Variants in PRELID2 observed in about 807,000 individuals in gnomAD.
PRELID2 encodes PRELI domain containing 2, also known as PRELI domain-containing protein 2.
A neutral mutation model predicts 28.4 loss-of-function variants in PRELID2; 25 were observed. That is an observed-to-expected ratio of 0.88 (90% CI 0.64 to 1.23). PRELID2 has a LOEUF of 1.23. Ranked by LOEUF, PRELID2 falls within the 50% of genes most tolerant of loss-of-function variation. PRELID2 has a pLI of 0.00. For synonymous variants in PRELID2, 76 were observed against 71.6 expected, an observed-to-expected ratio of 1.06 and a Z score of -0.31; for missense variants, 201 against 214.4, an observed-to-expected ratio of 0.94 and a Z score of 0.39.
At chr5:145,414,294 T>C in the PRELID2 span, among the ~76,000 whole-genome samples, 1 of 152,164 alleles carries the variant, frequency 6.6e-6, no homozygotes, top group Non-Finnish European at 1.5e-5. Flanking sequence ...AATAGGTGTT[T>C]TCTATAGAAT....
the PRELID2 span, among the ~76,000 whole-genome samples, chr5:145,292,100 G>C: frequency 6.6e-6 from 1 of 151,570 alleles, no homozygotes; most frequent in Non-Finnish European, 1.5e-5. Flanking sequence ...AATTTCTGTA[G>C]GCTCTACAAA....
chr5:145,540,636 C>G (rs1752737952), intron 1 of PRELID2, among the ~76,000 whole-genome samples: 1 of 150,038 alleles, frequency 6.7e-6, no homozygotes. Flanking sequence ...ACCAGCCAAG[C>G]CCCAAATATG....
chr5:145,820,502 A>G (rs1754707596), intron 2 of PRELID2, among the ~76,000 whole-genome samples: 1 of 152,146 alleles, frequency 6.6e-6, no homozygotes, highest in South Asian at 2.1e-4. Context: ...AGAATGTTTC[A>G]ACAAAAAGAG....
In PRELID2 at chr5:145,590,780, T is replaced by C. The variant is rs543120085; in HGVS notation, n.71-117465A>G. On this transcript the variant is annotated intron_variant and non_coding_transcript_variant, in intron 1 of 2. Transcript: ENST00000510259. Reference sequence around the variant, plus strand: ...TCTGTCTCACATATACTCCATTTTATGTCCCATCCCGAGGAAAACTCTGGC... The same window carrying C: ...TCTGTCTCACATATACTCCATTTTACGTCCCATCCCGAGGAAAACTCTGGC... Among the ~76,000 whole-genome samples the C allele has an allele frequency of 7.3e-4, 111 of 152,282 alleles. 2 individuals are homozygous for C. The highest frequency in any genetic ancestry group is 2.6e-3 in the African/African-American group (110 of 41,554).
chr5:145,390,158 C>T, the PRELID2 span, among the ~76,000 whole-genome samples: 1 of 152,086 alleles, frequency 6.6e-6, no homozygotes, highest in Non-Finnish European at 1.5e-5. Flanking sequence ...TCTAGAAGAT[C>T]AGAAAAGTCT....
At chr5:145,533,067 G>A (rs1012921738) in intron 1 of PRELID2, among the ~76,000 whole-genome samples, 3 of 152,002 alleles carry the variant, frequency 2.0e-5, no homozygotes, top group Non-Finnish European at 4.4e-5. Context: ...TGTACTGTTA[G>A]AATGGCTCTT....
chr5:145,636,129 T>C (rs1449118316), intron 1 of PRELID2, among the ~76,000 whole-genome samples: 1 of 152,194 alleles, frequency 6.6e-6, no homozygotes, highest in African/African-American at 2.4e-5. Flanking sequence ...CACTTTACAT[T>C]CATTACTATG....
downstream of PRELID2, among the ~76,000 whole-genome samples, chr5:145,470,150 A>C (rs754424209): frequency 6.6e-6 from 1 of 152,160 alleles, no homozygotes; most frequent in Non-Finnish European, 1.5e-5. Context: ...AGATTGGCTG[A>C]CTTTTCGTCT....
At chr5:145,279,905 T>C in the PRELID2 span, among the ~76,000 whole-genome samples, 1 of 152,056 alleles carries the variant, frequency 6.6e-6, no homozygotes, top group Non-Finnish European at 1.5e-5. Flanking sequence ...TCATCATGGA[T>C]TTTCAATGAT....
the PRELID2 span, among the ~76,000 whole-genome samples, chr5:145,433,505 T>C: frequency 6.6e-5 from 10 of 152,174 alleles, no homozygotes; most frequent in Non-Finnish European, 1.2e-4. Context: ...ATCAGCCAGC[T>C]GCTGCTCTTC....
At chr5:145,460,397 A>G in the PRELID2 span, among the ~76,000 whole-genome samples, 1 of 152,166 alleles carries the variant, frequency 6.6e-6, no homozygotes, top group African/African-American at 2.4e-5. Flanking sequence ...CCTCTATTCT[A>G]TTATCATATA....
chr5:145,509,977 T>C (rs748343238), intron 1 of PRELID2, among the ~76,000 whole-genome samples: 1 of 152,202 alleles, frequency 6.6e-6, no homozygotes, highest in Non-Finnish European at 1.5e-5. Flanking sequence ...ATTATATTAC[T>C]TAATGTGATA....
intron 1 of PRELID2, among the ~76,000 whole-genome samples, chr5:145,603,376 C>T (rs576584630): frequency 3.3e-3 from 399 of 120,546 alleles, no homozygotes; most frequent in African/African-American, 0.024. Flanking sequence ...CAGGGGCTAA[C>T]GGCTAACTTC....
chr5:145,345,269 C>T, the PRELID2 span, among the ~76,000 whole-genome samples: 1 of 151,950 alleles, frequency 6.6e-6, no homozygotes, highest in African/African-American at 2.4e-5. Flanking sequence ...GGGAATAGGA[C>T]AGCCCCTCTC....
In PRELID2 at chr5:145,654,698, A is replaced by G. The variant is rs191918841; in HGVS notation, n.70+110233T>C. ...AAAAGGCCTTTGACAAAATTCAACA[A>G]CCCTTCATGCTAAAAACTCTCAATA... On this transcript the variant is annotated intron_variant and non_coding_transcript_variant, in intron 1 of 2. Transcript: ENST00000510259. Among the ~76,000 whole-genome samples the G allele has an allele frequency of 3.4e-3, 521 of 151,828 alleles. 3 individuals are homozygous for G. The highest frequency in any genetic ancestry group is 0.012 in the African/African-American group (492 of 41,282).
At chr5:145,670,336 T>C (rs1451650499) in intron 1 of PRELID2, among the ~76,000 whole-genome samples, 1 of 151,952 alleles carries the variant, frequency 6.6e-6, no homozygotes, top group Non-Finnish European at 1.5e-5. Context: ...ACTCACCCAA[T>C]CTTATGAGAA....
At chr5:145,539,979 T>C (rs2126670505) in intron 1 of PRELID2, among the ~76,000 whole-genome samples, 1 of 151,978 alleles carries the variant, frequency 6.6e-6, no homozygotes, top group South Asian at 2.1e-4. Context: ...TTCTTATTTT[T>C]TTATTTTCAA....
the PRELID2 span, among the ~76,000 whole-genome samples, chr5:145,335,084 A>G: frequency 1.3e-5 from 2 of 151,920 alleles, no homozygotes; most frequent in Admixed American, 6.6e-5. Context: ...TTCTTATACC[A>G]TGAGTTTCAT....
chr5:145,689,231 A>G (rs1046918519), intron 1 of PRELID2, among the ~76,000 whole-genome samples: 1 of 152,158 alleles, frequency 6.6e-6, no homozygotes. Context: ...TAGGCTTCCC[A>G]GGAGAGGCCA....
Sources: gnomAD v4.1 joint callset for allele counts (sites outside exome capture counted in the v4.1 genomes callset) on GRCh38, gnomAD v4.1.1 for gene constraint, MANE v1.5 for transcripts, NCBI Gene and HGNC (gene_info 2026-07-23, HGNC 2026-07-21) for gene names.